Variants in AFF3 observed in about 807,000 individuals in gnomAD.
AFF3 encodes ALF transcription elongation factor 3.
A neutral mutation model predicts 129.7 loss-of-function variants in AFF3; 32 were observed. The ratio of observed to expected loss-of-function variants is 0.25; its 90% CI spans 0.19 to 0.33. The LOEUF (loss-of-function observed/expected upper bound fraction) is 0.33. Among genes scored for constraint, AFF3 ranks in the 10% least tolerant of loss-of-function variants. The pLI is 1.00. For synonymous variants in AFF3, 644 were observed against 635.4 expected, an observed-to-expected ratio of 1.01 and a Z score of -0.20; for missense variants, 1,373 against 1,592.0, an observed-to-expected ratio of 0.86 and a Z score of 2.34.
chr2:100,068,531 A>G (rs1687906828), intron 4 of AFF3, among the ~76,000 whole-genome samples: 1 of 152,168 alleles, frequency 6.6e-6, no homozygotes, highest in Non-Finnish European at 1.5e-5. Flanking sequence ...AGTTTCTTTA[A>G]ATAGCCCAAA....
chr2:100,062,965 G>C (rs1231533367), intron 4 of AFF3, among the ~76,000 whole-genome samples: 1 of 152,086 alleles, frequency 6.6e-6, no homozygotes, highest in Non-Finnish European at 1.5e-5. Flanking sequence ...AAATGACCAG[G>C]CAGGGCTGGG....
At chr2:99,601,292 T>G (rs76807263) in intron 14 of AFF3, 143 bp downstream of exon 14, 1 of 1,011,794 alleles carries the variant, frequency 9.9e-7, no homozygotes, top group African/African-American at 1.7e-5. Flanking sequence ...CCGAAGCCCA[T>G]AGCCTCCTCC....
chr2:99,968,413 G>C (rs559694970), intron 7 of AFF3, among the ~76,000 whole-genome samples: 9 of 152,206 alleles, frequency 5.9e-5, no homozygotes, highest in Non-Finnish European at 1.3e-4. Flanking sequence ...CAGAGTTAAG[G>C]ATGCCTACTC....
chr2:99,758,832 A>C (rs1241636186), intron 8 of AFF3, among the ~76,000 whole-genome samples: 1 of 152,190 alleles, frequency 6.6e-6, no homozygotes, highest in Non-Finnish European at 1.5e-5. Flanking sequence ...AGGTTTGGCC[A>C]GATAACTCTT....
chr2:99,738,591 C>T (rs1264738853), intron 10 of AFF3, among the ~76,000 whole-genome samples: 4 of 151,920 alleles, frequency 2.6e-5, no homozygotes, highest in African/African-American at 4.8e-5. Context: ...TTCTTTTTGG[C>T]GTCACTGGTT....
intron 4 of AFF3, among the ~76,000 whole-genome samples, chr2:100,073,088 C>G (rs1391329774): frequency 2.6e-5 from 4 of 152,200 alleles, no homozygotes; most frequent in Admixed American, 2.6e-4. Context: ...ATGCTGTAGT[C>G]TAACATGCTG....
chr2:100,019,071 C>G (rs10185707), intron 4 of AFF3, among the ~76,000 whole-genome samples: 39,077 of 152,026 alleles, frequency 0.26, 7,969 homozygotes, highest in African/African-American at 0.56. Context: ...GCCACTCAGG[C>G]TCATGGGCTG....
chr2:100,114,231 G>A (rs567228454), intron 2 of AFF3, among the ~76,000 whole-genome samples: 1 of 152,316 alleles, frequency 6.6e-6, no homozygotes, highest in Admixed American at 6.5e-5. Context: ...TCTGCACAGA[G>A]CTGGCCCAGA....
intron 17 of AFF3, chr2:99,580,922 T>G (rs1335479254): frequency 5.2e-5 from 8 of 152,390 alleles, no homozygotes; most frequent in African/African-American, 1.9e-4. Flanking sequence ...AAACCTGCTT[T>G]GCAGAAAGTT....
intron 7 of AFF3, among the ~76,000 whole-genome samples, chr2:99,893,380 G>A (rs1272673338): frequency 6.6e-6 from 1 of 152,224 alleles, no homozygotes; most frequent in Non-Finnish European, 1.5e-5. Flanking sequence ...TGGACTCAAT[G>A]CACGTTTTTC....
intron 2 of AFF3, among the ~76,000 whole-genome samples, chr2:100,124,484 A>G (rs181837148): frequency 6.6e-6 from 1 of 152,362 alleles, no homozygotes; most frequent in East Asian, 1.9e-4. Context: ...TTTATTTTTT[A>G]TACATCCTTT....
chr2:99,817,689 T>C (rs534736299), intron 8 of AFF3, among the ~76,000 whole-genome samples: 3 of 152,192 alleles, frequency 2.0e-5, no homozygotes, highest in Non-Finnish European at 4.4e-5. Context: ...GCCCAGCCTG[T>C]TGCTGTTTTA....
intron 21 of AFF3, 98 bp downstream of exon 21, chr2:99,560,267 A>G (rs540107875): frequency 7.6e-7 from 1 of 1,318,306 alleles, no homozygotes; most frequent in African/African-American, 1.5e-5. Flanking sequence ...TTTGTATGTT[A>G]GAAGACATTG....
chr2:100,115,311 G>C (rs1475726627), intron 2 of AFF3, among the ~76,000 whole-genome samples: 1 of 152,186 alleles, frequency 6.6e-6, no homozygotes, highest in Non-Finnish European at 1.5e-5. Flanking sequence ...ATTTTAGGAG[G>C]CTGAGGCAGG....
At chr2:100,103,645 G>A (rs549225118) in intron 4 of AFF3, among the ~76,000 whole-genome samples, 110 of 152,146 alleles carry the variant, frequency 7.2e-4, no homozygotes, top group African/African-American at 2.7e-3. Context: ...TCCCCAGTGT[G>A]AGATCCCCCG....
chr2:99,869,843 C>T (rs551018354), intron 7 of AFF3, among the ~76,000 whole-genome samples: 1 of 152,290 alleles, frequency 6.6e-6, no homozygotes, highest in African/African-American at 2.4e-5. Context: ...TCCTGCTCTT[C>T]TCTGGGAGCG....
chr2:99,560,518 A>G, intron 20 of AFF3, 82 bp from the exon 21 acceptor site: 1 of 1,294,212 alleles, frequency 7.7e-7, no homozygotes, highest in Non-Finnish European at 1.1e-6. Flanking sequence ...TATTAACAGA[A>G]CTTCTATGAT....
chr2:100,124,422 T>G (rs1692101905), intron 2 of AFF3, among the ~76,000 whole-genome samples: 1 of 152,202 alleles, frequency 6.6e-6, no homozygotes, highest in Non-Finnish European at 1.5e-5. Context: ...CAGATATCAA[T>G]CAAGTGTGAA....
chr2:99,865,181 C>T (rs1256256053), intron 7 of AFF3, among the ~76,000 whole-genome samples: 1 of 152,136 alleles, frequency 6.6e-6, no homozygotes, highest in Non-Finnish European at 1.5e-5. Context: ...GGTGGGTGGA[C>T]AAAATCCTCT....
Sources: allele counts gnomAD v4.1 joint callset (sites outside exome capture counted in the v4.1 genomes callset), GRCh38; gene constraint gnomAD v4.1.1; transcripts MANE v1.5; gene names NCBI Gene and HGNC (gene_info 2026-07-23, HGNC 2026-07-21).